Variants in EPSTI1 observed in about 807,000 individuals in gnomAD.
EPSTI1 encodes the protein epithelial stromal interaction 1, also known as epithelial-stromal interaction protein 1.
EPSTI1 carries 66 observed loss-of-function variants against 49.9 expected under a neutral mutation model. That is an observed-to-expected ratio of 1.32 (90% confidence interval 1.08 to 1.62). The LOEUF is 1.62. EPSTI1 is among the 40% of genes most tolerant of loss of function. EPSTI1 has a pLI of 0.00. For missense variants in EPSTI1, 394 were observed against 365.5 expected, an observed-to-expected ratio of 1.08 and a Z score of -0.64; for synonymous variants, 137 against 130.7, an observed-to-expected ratio of 1.05 and a Z score of -0.33.
chr13:42,925,822 G>T (rs574323488), intron 7 of EPSTI1, among the ~76,000 whole-genome samples: 1 of 152,228 alleles, frequency 6.6e-6, no homozygotes, highest in Admixed American at 6.5e-5. Context: ...AGCATCTAAC[G>T]CACATGGTCT....
intron 1 of EPSTI1, among the ~76,000 whole-genome samples, chr13:42,978,704 TAAAG>T (rs999348524): frequency 6.6e-6 from 1 of 152,054 alleles, no homozygotes; most frequent in Non-Finnish European, 1.5e-5. Flanking sequence ...GGGAGAGAAA[TAAAG>T]AAAGCCATAG....
chr13:42,959,406 T>C (rs2039374871), intron 5 of EPSTI1, among the ~76,000 whole-genome samples: 1 of 152,236 alleles, frequency 6.6e-6, no homozygotes, highest in Non-Finnish European at 1.5e-5. Context: ...AATGGAAATG[T>C]TTCCCAATTT....
chr13:42,904,600 G>A (rs1037650555), intron 8 of EPSTI1, among the ~76,000 whole-genome samples: 9 of 152,158 alleles, frequency 5.9e-5, no homozygotes, highest in African/African-American at 2.2e-4. Context: ...AACTGTAAAA[G>A]TTCAGGGAAA....
At chr13:42,910,986 T>G (rs1212431191) in intron 8 of EPSTI1, among the ~76,000 whole-genome samples, 3 of 152,216 alleles carry the variant, frequency 2.0e-5, no homozygotes, top group Admixed American at 6.5e-5. Context: ...TAGTAAAGAT[T>G]AAAATTTATC....
rs766306808 is a variant in EPSTI1, at chr13:42,953,969, GCTTCT to G, written c.537_541del (p.Arg179SerfsTer3). On this transcript the variant is annotated frameshift_variant, in exon 6 of 11. Coordinates refer to ENST00000313624, the MANE Select transcript of EPSTI1 (RefSeq NM_033255.5). LOFTEE classifies it high-confidence loss of function. ...TTACTATTGCTGATGCTCTCTAAAT[GCTTCT>G]CTTCTAAGGTTTTCTTGAAGTCTTT... The G allele has an allele frequency of 1.3e-5, 21 of 1,612,752 alleles. No homozygotes were observed. The highest frequency in any genetic ancestry group is 1.0e-4 in the Admixed American group (6 of 59,884).
intron 10 of EPSTI1, among the ~76,000 whole-genome samples, chr13:42,890,017 A>T (rs1255810135): frequency 6.6e-6 from 1 of 152,150 alleles, no homozygotes; most frequent in Non-Finnish European, 1.5e-5. Context: ...CCCCCCAGTG[A>T]TGTGCTCTGC....
chr13:42,926,170 T>G (rs1158005728), intron 7 of EPSTI1, among the ~76,000 whole-genome samples, 166 bp downstream of exon 7: 7 of 152,202 alleles, frequency 4.6e-5, no homozygotes, highest in Non-Finnish European at 1.0e-4. Flanking sequence ...AATACAAGCA[T>G]TATTTTATAG....
intron 10 of EPSTI1, among the ~76,000 whole-genome samples, chr13:42,893,591 GCTCA>G (rs1281187544): frequency 6.6e-6 from 1 of 152,100 alleles, no homozygotes; most frequent in East Asian, 1.9e-4. Context: ...GAGATTTATG[GCTCA>G]CTAAGGCCTG....
Position 42,888,499 on chromosome 13 carries a change from T to C in EPSTI1, c.919A>G (p.Ile307Val), listed in dbSNP as rs746257895. The C allele has an allele frequency of 2.6e-5, 41 of 1,601,148 alleles. No homozygotes were observed. Among genetic ancestry groups the C allele is most frequent in the Non-Finnish European group, 3.3e-5 (39 of 1,173,374 alleles). The change falls in exon 11 of 11, where the codon ATA becomes GTA. Residue 307 changes from isoleucine (I) to valine (V), a missense_variant. Physicochemically the swap from Ile to Val is conservative, Grantham distance 29. Transcript: ENST00000313624. The part of the protein sequence containing the change: ...WNMNSGNSWG[I>V] ...AGATAGGAGTCAATATTTTCTCATA[T>C]ACCCTGGAAGAAAAAGAAAACAAAA...
At chr13:42,894,159 A>G (rs2037119687) in intron 10 of EPSTI1, among the ~76,000 whole-genome samples, 1 of 152,252 alleles carries the variant, frequency 6.6e-6, no homozygotes, top group Non-Finnish European at 1.5e-5. Context: ...AAGATTTCTA[A>G]CAGATTGACT....
intron 1 of EPSTI1, among the ~76,000 whole-genome samples, chr13:42,987,578 ATTTT>A (rs5803161): frequency 6.7e-6 from 1 of 149,948 alleles, no homozygotes; most frequent in Admixed American, 6.7e-5. Context: ...TTTTTTTGCG[ATTTT>A]TTTTTTAAGC....
chr13:42,980,493 G>A (rs1000138881), intron 1 of EPSTI1, among the ~76,000 whole-genome samples: 3 of 152,162 alleles, frequency 2.0e-5, no homozygotes, highest in Admixed American at 6.5e-5. Context: ...ATGGTGGCAG[G>A]CAAGAGAGCA....
In EPSTI1 at chr13:42,888,514, A is replaced by T; in HGVS notation, c.916-12T>A. 6.3e-7 allele frequency: 1 copy of T among 1,580,180 alleles called. No homozygotes were observed. Among genetic ancestry groups the T allele is most frequent in the Non-Finnish European group, 8.6e-7 (1 of 1,165,608 alleles). On this transcript the variant is annotated splice_polypyrimidine_tract_variant and intron_variant, in intron 10 of 10. Transcript: ENST00000313624. ...TTTTCTCATATACCCTGGAAGAAAA[A>T]GAAAACAAAAATTACTGCAAGCAGC... is the stretch of plus-strand genomic sequence containing the variant.
intron 8 of EPSTI1, among the ~76,000 whole-genome samples, chr13:42,915,351 G>T (rs948900195): frequency 2.0e-5 from 3 of 152,182 alleles, no homozygotes; most frequent in African/African-American, 7.2e-5. Flanking sequence ...GGCCAACATG[G>T]TGAAACCCCA....
chr13:42,932,080 C>CATGT (rs1262957228), intron 6 of EPSTI1, among the ~76,000 whole-genome samples: 1 of 151,760 alleles, frequency 6.6e-6, no homozygotes, highest in Non-Finnish European at 1.5e-5. Flanking sequence ...GTTGGGACTA[C>CATGT]AGGAGCACAC....
intron 1 of EPSTI1, among the ~76,000 whole-genome samples, chr13:42,981,395 G>T (rs1435248649): frequency 6.6e-6 from 1 of 152,120 alleles, no homozygotes; most frequent in Non-Finnish European, 1.5e-5. Flanking sequence ...ACTGATTATT[G>T]TTAGTAATAT....
intron 5 of EPSTI1, among the ~76,000 whole-genome samples, chr13:42,958,635 G>A (rs1345771579): frequency 1.3e-5 from 2 of 152,086 alleles, no homozygotes; most frequent in African/African-American, 4.8e-5. Context: ...CAAAGGGAGA[G>A]TAAGAAAAGA....
At chr13:42,963,632 T>C (rs60012452) in intron 4 of EPSTI1, 4,104 of 362,682 alleles carry the variant, frequency 0.011, 161 homozygotes, top group African/African-American at 0.08. Flanking sequence ...TGTGTGTGTA[T>C]TGGGGAGGGA....
intron 1 of EPSTI1, 102 bp downstream of exon 1, chr13:42,991,876 T>A: frequency 7.8e-7 from 1 of 1,286,412 alleles, no homozygotes; most frequent in South Asian, 1.3e-5. Flanking sequence ...ATCCCTGTTG[T>A]TGGGCCCCTG....
Sources: allele counts gnomAD v4.1 joint callset (sites outside exome capture counted in the v4.1 genomes callset), GRCh38; gene constraint gnomAD v4.1.1; transcripts MANE v1.5; gene names NCBI Gene and HGNC (gene_info 2026-07-23, HGNC 2026-07-21).